The following ANKRD17 variants were observed in gnomAD, a reference collection of about 807,000 sequenced individuals.
ANKRD17 encodes the protein ankyrin repeat domain 17.
A neutral mutation model predicts 229.7 loss-of-function variants in ANKRD17; 19 were observed. The ratio of observed to expected loss-of-function variants is 0.08; its 90% CI spans 0.06 to 0.12. ANKRD17 has a LOEUF of 0.12. ANKRD17 is among the 10% of genes least tolerant of loss of function. The probability of loss-of-function intolerance (pLI) is 1.00; values close to 1 mark genes in which losing one functional copy is unlikely to be tolerated. For missense variants in ANKRD17, 2,176 were observed against 3,176.8 expected (o/e 0.68, Z 7.57); for synonymous variants, 1,112 against 1,146.1 (o/e 0.97, Z 0.60).
intron 1 of ANKRD17, among the ~76,000 whole-genome samples, chr4:73,205,900 A>AT (rs111397238): frequency 1.3e-5 from 2 of 152,256 alleles, no homozygotes; most frequent in African/African-American, 2.4e-5. Flanking sequence ...AAACAACCTG[A>AT]TTTTTTTAAA....
At chr4:73,177,571 A>G in intron 1 of ANKRD17, 38 bp from the exon 2 acceptor site, 1 of 1,516,632 alleles carries the variant, frequency 6.6e-7, no homozygotes, top group Non-Finnish European at 9.1e-7. Flanking sequence ...GAAGGGAGAA[A>G]TGAACAGCGA....
Position 73,088,597 on chromosome 4 carries a change from C to T in ANKRD17, c.6961+2070G>A, listed in dbSNP as rs370211392. ...AAAATCAAACTTAAAGCATTTCCTA[C>T]GCACTGGCACATAATGATCTAAAAT... is the stretch of plus-strand genomic sequence containing the variant. On this transcript the variant is annotated intron_variant, in intron 29 of 33. Transcript: ENST00000358602. Among the ~76,000 whole-genome samples, 12 of 152,218 alleles carry T rather than the reference C, an allele frequency of 7.9e-5. No homozygotes were observed. In the East Asian group the frequency reaches 1.7e-3, roughly 22 times the overall value.
chr4:73,225,973 C>CTT (rs754977999), intron 1 of ANKRD17, among the ~76,000 whole-genome samples: 1,294 of 92,592 alleles, frequency 0.014, 83 homozygotes, highest in East Asian at 0.028. Context: ...GGCTCTTAAG[C>CTT]TTTTTTTTTT....
chr4:73,145,862 A>G (rs1730208715), intron 10 of ANKRD17, among the ~76,000 whole-genome samples: 2 of 152,196 alleles, frequency 1.3e-5, no homozygotes, highest in South Asian at 4.1e-4. Flanking sequence ...AGAAAGATTA[A>G]ATTATAAATT....
At chr4:73,157,057 A>G (rs1731755389) in intron 3 of ANKRD17, among the ~76,000 whole-genome samples, 1 of 152,202 alleles carries the variant, frequency 6.6e-6, no homozygotes, top group African/African-American at 2.4e-5. Context: ...GTAAGTGGAG[A>G]AAGAACATAA....
At chr4:73,201,669 T>A (rs1295459518) in intron 1 of ANKRD17, among the ~76,000 whole-genome samples, 2 of 152,190 alleles carry the variant, frequency 1.3e-5, no homozygotes, top group African/African-American at 4.8e-5. Context: ...AAGTTTTCTA[T>A]GAGATTTTGT....
rs574856102 is a variant in ANKRD17, at chr4:73,167,989, A to G, written c.548-6641T>C. ...AACGCAGCGAAACCCCGTCTGTACT[A>G]AAAATACAAAAAATTAGCCAGGCAT... On this transcript the variant is annotated intron_variant, in intron 2 of 33. Coordinates refer to ENST00000358602, the MANE Select transcript of ANKRD17 (RefSeq NM_032217.5). Among the ~76,000 whole-genome samples, 356 of 152,156 alleles carry G rather than the reference A, an allele frequency of 2.3e-3. 3 individuals are homozygous for G. The highest frequency in any genetic ancestry group is 7.9e-3 in the African/African-American group (330 of 41,512).
chr4:73,144,258 A>G (rs554380517), intron 11 of ANKRD17, among the ~76,000 whole-genome samples: 3 of 152,164 alleles, frequency 2.0e-5, no homozygotes, highest in Admixed American at 2.0e-4. Flanking sequence ...ATGAATGAAA[A>G]TCCTCATGCA....
chr4:73,097,335 A>G (rs1358228344), intron 26 of ANKRD17, 63 bp from the exon 27 acceptor site: 1 of 1,407,630 alleles, frequency 7.1e-7, no homozygotes, highest in Non-Finnish European at 9.5e-7. Context: ...TAAATGATAA[A>G]GGTAGTCTAC....
chr4:73,166,759 G>GAAA (rs557490181), intron 2 of ANKRD17, among the ~76,000 whole-genome samples: 3 of 128,478 alleles, frequency 2.3e-5, no homozygotes, highest in African/African-American at 7.9e-5. Flanking sequence ...CAAATAAATA[G>GAAA]AAAAAAAAAA....
intron 1 of ANKRD17, among the ~76,000 whole-genome samples, chr4:73,209,182 G>T (rs1425749882): frequency 6.6e-6 from 1 of 152,042 alleles, no homozygotes; most frequent in African/African-American, 2.4e-5. Context: ...CTCCAGTCTG[G>T]GTGACAGAAC....
intron 16 of ANKRD17, among the ~76,000 whole-genome samples, chr4:73,129,015 C>A (rs1213824252): frequency 6.6e-6 from 1 of 152,116 alleles, no homozygotes; most frequent in South Asian, 2.1e-4. Context: ...AAGGAAGAAT[C>A]CTTAGATTCA....
At chr4:73,231,794 G>A (rs1743073084) in intron 1 of ANKRD17, among the ~76,000 whole-genome samples, 1 of 152,106 alleles carries the variant, frequency 6.6e-6, no homozygotes. Context: ...TCCAAAAAGG[G>A]GAGAATAAAA....
chr4:73,097,408 C>A, intron 26 of ANKRD17, 136 bp from the exon 27 acceptor site: 1 of 671,244 alleles, frequency 1.5e-6, no homozygotes, highest in Non-Finnish European at 2.3e-6. Context: ...CACTTCTCCT[C>A]ATATTTAGCA....
At chr4:73,208,220 A>C (rs962288813) in intron 1 of ANKRD17, among the ~76,000 whole-genome samples, 1 of 151,460 alleles carries the variant, frequency 6.6e-6, no homozygotes, top group African/African-American at 2.4e-5. Flanking sequence ...AAACTTGAAC[A>C]TTATTAACTT....
At position 73,134,033 on chromosome 4, in the gene ANKRD17, T is replaced by C. The variant is rs531034418; in HGVS notation, c.3234+1084A>G. On this transcript the variant is annotated intron_variant, in intron 16 of 33. Coordinates refer to ENST00000358602, the MANE Select transcript of ANKRD17 (RefSeq NM_032217.5). ...GATTAGATGAGACAATTCCTTAAAATAGTCCCTGGCAATTTTAAGTACTCA... is the reference window on the plus strand; with the variant it reads ...GATTAGATGAGACAATTCCTTAAAACAGTCCCTGGCAATTTTAAGTACTCA... Among the ~76,000 whole-genome samples, 21 of 152,266 alleles carry C rather than the reference T, an allele frequency of 1.4e-4. No individual in the cohort carries two copies. In the East Asian group the frequency reaches 3.9e-3, roughly 28 times the overall value.
At chr4:73,115,786 A>C in intron 23 of ANKRD17, 35 bp downstream of exon 23, 2 of 1,497,850 alleles carry the variant, frequency 1.3e-6, no homozygotes, top group Non-Finnish European at 1.8e-6. Flanking sequence ...TTAACCGAAT[A>C]GAGTCCCTTG....
At chr4:73,239,581 T>C (rs927817266) in intron 1 of ANKRD17, among the ~76,000 whole-genome samples, 2 of 152,190 alleles carry the variant, frequency 1.3e-5, no homozygotes, top group Admixed American at 1.3e-4. Flanking sequence ...TACATAGATA[T>C]ATCTGTATAT....
At chr4:73,195,785 G>A (rs1004617854) in intron 1 of ANKRD17, among the ~76,000 whole-genome samples, 1 of 152,112 alleles carries the variant, frequency 6.6e-6, no homozygotes, top group Non-Finnish European at 1.5e-5. Context: ...GGGATTACAG[G>A]CATGAGCCAC....
Sources: allele counts gnomAD v4.1 joint callset (sites outside exome capture counted in the v4.1 genomes callset), GRCh38; gene constraint gnomAD v4.1.1; transcripts MANE v1.5; gene names NCBI Gene and HGNC (gene_info 2026-07-23, HGNC 2026-07-21).